The following SH3GL3 variants were observed in gnomAD, a reference collection of about 807,000 sequenced individuals.
The protein encoded by SH3GL3 is SH3 domain containing GRB2 like 3, endophilin A3.
In SH3GL3, 33 loss-of-function variants were observed where a neutral mutation model predicts 47.7. The observed-to-expected ratio is 0.69, with a 90% CI of 0.52 to 0.92. The LOEUF is 0.92. Ranked by LOEUF, SH3GL3 falls within the 40% of genes least tolerant of loss-of-function variation. The probability of loss-of-function intolerance (pLI) is 0.00; values close to 1 mark genes in which losing one functional copy is unlikely to be tolerated. For missense variants in SH3GL3, 363 were observed against 417.8 expected (o/e 0.87, Z 1.14); for synonymous variants, 155 against 148.8 (o/e 1.04, Z -0.30).
At chr15:83,507,720 C>G (rs2042573920) in intron 1 of SH3GL3, among the ~76,000 whole-genome samples, 1 of 151,830 alleles carries the variant, frequency 6.6e-6, no homozygotes, top group South Asian at 2.1e-4. Flanking sequence ...TGGCCTCATT[C>G]ATTTATTTAT....
intron 4 of SH3GL3, 118 bp downstream of exon 4, chr15:83,568,790 C>A: frequency 1.6e-6 from 1 of 640,822 alleles, no homozygotes; most frequent in Non-Finnish European, 2.6e-6. Flanking sequence ...CAAAGTAATA[C>A]ATGTTAATTG....
chr15:83,585,729 G>A (rs2059937251), intron 6 of SH3GL3, among the ~76,000 whole-genome samples: 1 of 152,166 alleles, frequency 6.6e-6, no homozygotes, highest in Non-Finnish European at 1.5e-5. Flanking sequence ...TGCTTTTCCA[G>A]CCACAGAGCA....
intron 1 of SH3GL3, among the ~76,000 whole-genome samples, chr15:83,545,655 C>T (rs749738042): frequency 6.6e-5 from 10 of 152,188 alleles, no homozygotes; most frequent in Non-Finnish European, 1.2e-4. Flanking sequence ...TTATACCTAT[C>T]ATTCCTCTGA....
chr15:83,595,867 T>C (rs1489193948), intron 8 of SH3GL3, among the ~76,000 whole-genome samples: 1 of 152,166 alleles, frequency 6.6e-6, no homozygotes, highest in East Asian at 1.9e-4. Context: ...TAGAAATTGG[T>C]AATTTTTGTC....
At chr15:83,606,867 A>C (rs1308637521) in intron 8 of SH3GL3, among the ~76,000 whole-genome samples, 1 of 152,246 alleles carries the variant, frequency 6.6e-6, no homozygotes, top group African/African-American at 2.4e-5. Flanking sequence ...TAGCATTCTT[A>C]ATAATTTGAA....
intron 5 of SH3GL3, among the ~76,000 whole-genome samples, chr15:83,575,387 A>T (rs954667382): frequency 8.5e-5 from 13 of 152,264 alleles, no homozygotes; most frequent in African/African-American, 3.1e-4. Context: ...GAAATGTTGC[A>T]GTTCTCTATG....
chr15:83,576,884 A>T, intron 6 of SH3GL3, 143 bp downstream of exon 6: 1 of 412,046 alleles, frequency 2.4e-6, no homozygotes, highest in South Asian at 5.1e-5. Context: ...ATACACTAAT[A>T]CTAATAATAG....
intron 1 of SH3GL3, among the ~76,000 whole-genome samples, chr15:83,520,732 A>T (rs1160204258): frequency 6.6e-6 from 1 of 152,202 alleles, no homozygotes; most frequent in Non-Finnish European, 1.5e-5. Context: ...AAAAACAATC[A>T]TTTAAAATAG....
Position 83,588,663 on chromosome 15 carries a change from A to G in SH3GL3, c.730A>G (p.Ile244Val). ...QELQSKLQMRISAASSVPRRE... is the reference protein window; with the variant it reads ...QELQSKLQMRVSAASSVPRRE... ...CTCATCTTACGATGTGTGTTACAGA[A>G]TATCAGCTGCATCCAGTGTCCCCAG... The change falls in exon 8 of 9, where the codon ATA becomes GTA. Residue 244 changes from isoleucine (I) to valine (V), a missense_variant and splice_region_variant. Transcript: ENST00000427482. The G allele has an allele frequency of 6.3e-7, 1 of 1,585,230 alleles. No homozygotes were observed. Among genetic ancestry groups the G allele is most frequent in the Non-Finnish European group, 8.7e-7 (1 of 1,153,750 alleles).
At chr15:83,449,633 T>G (rs1482237801) in intron 1 of SH3GL3, among the ~76,000 whole-genome samples, 1 of 152,168 alleles carries the variant, frequency 6.6e-6, no homozygotes, top group Non-Finnish European at 1.5e-5. Flanking sequence ...TGGAGAAATA[T>G]TTTGCTAGTC....
chr15:83,479,049 C>T (rs1465590329), intron 1 of SH3GL3, among the ~76,000 whole-genome samples: 3 of 152,176 alleles, frequency 2.0e-5, no homozygotes, highest in Non-Finnish European at 4.4e-5. Flanking sequence ...TCTCTCAAAT[C>T]CTCTCTACCC....
In SH3GL3 at chr15:83,465,023, T is replaced by C. The variant is rs199884591; in HGVS notation, c.45+17445T>C. 2.9e-5 allele frequency among the ~76,000 whole-genome samples: 4 copies of C among 137,904 alleles called. No homozygotes were observed. In the East Asian group the frequency reaches 8.4e-4, roughly 29 times the overall value. 90.5% of individuals were successfully genotyped at this position (137,904 alleles called of 152,430 possible). A position where few individuals can be genotyped will look rare whatever the true frequency, so the allele number is the denominator to read the frequency against. ...ATAATAATAATAATAATAATAATAA[T>C]AACAGCAATAAAAACAGCTCATGTG... On this transcript the variant is annotated intron_variant, in intron 1 of 8. Coordinates refer to ENST00000427482, the MANE Select transcript of SH3GL3 (RefSeq NM_003027.5).
chr15:83,489,901 GATA>G (rs2041799941), intron 1 of SH3GL3, among the ~76,000 whole-genome samples: 1 of 145,878 alleles, frequency 6.9e-6, no homozygotes, highest in Admixed American at 6.8e-5. Context: ...TAGATAGATA[GATA>G]ATAGATAGAT....
chr15:83,491,705 T>C (rs1476921605), intron 1 of SH3GL3, among the ~76,000 whole-genome samples: 4 of 152,170 alleles, frequency 2.6e-5, no homozygotes, highest in African/African-American at 9.7e-5. Flanking sequence ...CAAACCCTGC[T>C]TCAAATCTGC....
At chr15:83,596,209 T>G (rs1818523945) in intron 8 of SH3GL3, among the ~76,000 whole-genome samples, 3 of 152,220 alleles carry the variant, frequency 2.0e-5, no homozygotes, top group African/African-American at 7.2e-5. Context: ...AGATACCTAT[T>G]TAATTCCATT....
intron 6 of SH3GL3, among the ~76,000 whole-genome samples, chr15:83,584,372 C>T (rs1412022553): frequency 6.6e-6 from 1 of 152,234 alleles, no homozygotes; most frequent in Non-Finnish European, 1.5e-5. Flanking sequence ...TTAACTCAAT[C>T]ATAACCGCAA....
intron 1 of SH3GL3, among the ~76,000 whole-genome samples, chr15:83,532,999 G>A (rs932363610): frequency 1.3e-5 from 2 of 152,346 alleles, no homozygotes; most frequent in Admixed American, 6.5e-5. Flanking sequence ...TTCTGGCATA[G>A]TGATCATTGC....
chr15:83,584,350 A>C (rs80194486), intron 6 of SH3GL3, among the ~76,000 whole-genome samples: 27,429 of 152,190 alleles, frequency 0.18, 3,197 homozygotes, highest in Admixed American at 0.25. Flanking sequence ...TAATCTCTTC[A>C]TGTTAAGATC....
At chr15:83,492,892 T>A (rs2046922) in intron 1 of SH3GL3, among the ~76,000 whole-genome samples, 128,097 of 152,190 alleles carry the variant, frequency 0.84, 54,222 homozygotes, top group African/African-American at 0.93. Context: ...CACCTCCCAG[T>A]TAAACCATTT....
Sources: allele counts gnomAD v4.1 joint callset (sites outside exome capture counted in the v4.1 genomes callset), GRCh38; gene constraint gnomAD v4.1.1; transcripts MANE v1.5; gene names NCBI Gene and HGNC (gene_info 2026-07-23, HGNC 2026-07-21).